Variants in NDUFAF2 observed in about 807,000 individuals in gnomAD.
NDUFAF2 encodes NADH:ubiquinone oxidoreductase complex assembly factor 2.
NDUFAF2 carries 13 observed loss-of-function variants against 22.8 expected under a neutral mutation model. The ratio of observed to expected loss-of-function variants is 0.57; its 90% confidence interval spans 0.37 to 0.91. The LOEUF (loss-of-function observed/expected upper bound fraction) is 0.91, where lower values mean the gene tolerates loss of function less well. NDUFAF2 is among the 40% of genes least tolerant of loss of function. NDUFAF2 has a pLI of 0.01. For synonymous variants in NDUFAF2, 53 were observed against 64.2 expected (o/e 0.83, Z 0.84); for missense variants, 162 against 195.2 (o/e 0.83, Z 1.01).
chr5:61,149,927 T>G (rs1179825614), intron 3 of NDUFAF2, among the ~76,000 whole-genome samples: 2 of 152,020 alleles, frequency 1.3e-5, no homozygotes, highest in East Asian at 1.9e-4. Flanking sequence ...TGTTTGGGGG[T>G]TTTTTTGTTT....
chr5:61,050,480 G>A (rs1470969551), intron 1 of NDUFAF2: 1 of 152,024 alleles, frequency 6.6e-6, no homozygotes, highest in Non-Finnish European at 1.5e-5. Context: ...GGCAGCCTGA[G>A]AAATCAGGAA....
intron 3 of NDUFAF2, among the ~76,000 whole-genome samples, chr5:61,118,285 G>A (rs1321834983): frequency 6.6e-6 from 1 of 152,110 alleles, no homozygotes; most frequent in African/African-American, 2.4e-5. Flanking sequence ...TGAGAGCAAA[G>A]CAAAGAAAGC....
At chr5:61,047,758 C>T (rs956871399) in intron 1 of NDUFAF2, among the ~76,000 whole-genome samples, 1 of 152,048 alleles carries the variant, frequency 6.6e-6, no homozygotes, top group Non-Finnish European at 1.5e-5. Flanking sequence ...TATTTCATTC[C>T]AGTAAGGTTT....
chr5:60,958,367 A>G (rs1283122141), intron 1 of NDUFAF2, among the ~76,000 whole-genome samples: 1 of 152,170 alleles, frequency 6.6e-6, no homozygotes, highest in Non-Finnish European at 1.5e-5. Context: ...TTTTAATCTG[A>G]AGTTTTCATA....
chr5:60,969,380 G>T (rs542818508), intron 1 of NDUFAF2, among the ~76,000 whole-genome samples: 1 of 152,114 alleles, frequency 6.6e-6, no homozygotes, highest in East Asian at 1.9e-4. Flanking sequence ...ATTTGTTACT[G>T]CCTGCCTTTT....
rs140507420 is a variant in NDUFAF2 at position 60,974,791 on chromosome 5, G to GTGTT, written c.127+29423_127+29426dup. Among the ~76,000 whole-genome samples, 1,095 of 152,172 alleles carry GTGTT rather than the reference G, an allele frequency of 7.2e-3. 12 individuals carry two copies. The highest frequency in any genetic ancestry group is 0.014 in the Middle Eastern group (4 of 292). On this transcript the variant is annotated intron_variant, in intron 1 of 3. Transcript: ENST00000296597. ...CCAGTAGGATAGCTTACTGAGATTTGTGTTTGTTTGTTTGTTTATTTGTTT... is the reference window on the plus strand; with the variant it reads ...CCAGTAGGATAGCTTACTGAGATTTGTGTTTGTTTGTTTGTTTGTTTATTTGTTT...
At chr5:61,096,037 A>AT (rs1437198277) in intron 2 of NDUFAF2, among the ~76,000 whole-genome samples, 2 of 152,170 alleles carry the variant, frequency 1.3e-5, no homozygotes. Context: ...TAAAGAGGCA[A>AT]TTGAAAAATT....
At chr5:61,067,007 G>A (rs1326257033) in intron 1 of NDUFAF2, among the ~76,000 whole-genome samples, 1 of 152,116 alleles carries the variant, frequency 6.6e-6, no homozygotes, top group Admixed American at 6.6e-5. Context: ...AACAAATCTA[G>A]AGATCTAATG....
At chr5:61,070,317 C>T (rs1752279373) in intron 1 of NDUFAF2, among the ~76,000 whole-genome samples, 6 of 151,954 alleles carry the variant, frequency 3.9e-5, no homozygotes, top group Admixed American at 3.9e-4. Context: ...GTGCATAATT[C>T]CTTACTCAGT....
intron 1 of NDUFAF2, among the ~76,000 whole-genome samples, chr5:61,055,014 A>G (rs1336053340): frequency 6.6e-6 from 1 of 152,196 alleles, no homozygotes; most frequent in East Asian, 1.9e-4. Context: ...ATTGTTATCA[A>G]CAAATATTTG....
chr5:61,049,751 G>A (rs1198696598), intron 1 of NDUFAF2, among the ~76,000 whole-genome samples: 1 of 151,908 alleles, frequency 6.6e-6, no homozygotes, highest in African/African-American at 2.4e-5. Flanking sequence ...GTTATAGCAT[G>A]TGTCAGAATT....
chr5:60,968,601 A>G (rs1269598262), intron 1 of NDUFAF2, among the ~76,000 whole-genome samples: 1 of 151,872 alleles, frequency 6.6e-6, no homozygotes, highest in East Asian at 1.9e-4. Flanking sequence ...GTACATAGTA[A>G]ATGTATATAT....
chr5:60,987,928 A>G (rs1024933303), intron 1 of NDUFAF2, among the ~76,000 whole-genome samples: 7 of 152,188 alleles, frequency 4.6e-5, no homozygotes, highest in Non-Finnish European at 1.0e-4. Flanking sequence ...CAGCCAGGGC[A>G]ATCAGGCAAG....
At chr5:61,143,399 G>A (rs1741085735) in intron 3 of NDUFAF2, among the ~76,000 whole-genome samples, 1 of 152,046 alleles carries the variant, frequency 6.6e-6, no homozygotes, top group Non-Finnish European at 1.5e-5. Context: ...AAAGAAATTA[G>A]TGGAGCTGTC....
intron 1 of NDUFAF2, among the ~76,000 whole-genome samples, chr5:61,051,172 C>T (rs536695718): frequency 6.6e-6 from 1 of 152,230 alleles, no homozygotes; most frequent in African/African-American, 2.4e-5. Flanking sequence ...TAGAATGATG[C>T]TTCTAATCTC....
intron 1 of NDUFAF2, among the ~76,000 whole-genome samples, chr5:61,067,255 C>T (rs928130524): frequency 5.9e-5 from 9 of 151,564 alleles, no homozygotes; most frequent in African/African-American, 2.2e-4. Flanking sequence ...GTGTGCTGCA[C>T]CCATTAACTC....
At chr5:61,117,923 T>C (rs1752932489) in intron 3 of NDUFAF2, among the ~76,000 whole-genome samples, 1 of 152,224 alleles carries the variant, frequency 6.6e-6, no homozygotes, top group Admixed American at 6.5e-5. Flanking sequence ...TCCTAGTTTG[T>C]CAATCCTGGT....
intron 2 of NDUFAF2, among the ~76,000 whole-genome samples, chr5:61,078,405 GA>G (rs760980836): frequency 5.9e-5 from 9 of 152,114 alleles, no homozygotes; most frequent in Non-Finnish European, 1.5e-5. Context: ...GTTTTAAGAA[GA>G]AAGACATGGA....
intron 1 of NDUFAF2, among the ~76,000 whole-genome samples, chr5:60,957,794 T>G (rs1403185843): frequency 1.3e-5 from 2 of 152,210 alleles, no homozygotes; most frequent in African/African-American, 4.8e-5. Flanking sequence ...AAGTTGTAGT[T>G]GCCTGTGAGA....
Sources: gnomAD v4.1 joint callset for allele counts (sites outside exome capture counted in the v4.1 genomes callset) on GRCh38, gnomAD v4.1.1 for gene constraint, MANE v1.5 for transcripts, NCBI Gene and HGNC (gene_info 2026-07-23, HGNC 2026-07-21) for gene names.